SNX29: variants seen among roughly 807,000 people sequenced by gnomAD.
SNX29 encodes the protein sorting nexin-29.
A neutral mutation model predicts 102.1 loss-of-function variants in SNX29; 78 were observed. The ratio of observed to expected loss-of-function variants is 0.76; its 90% CI spans 0.64 to 0.92. The LOEUF is 0.92. SNX29 is among the 40% of genes least tolerant of loss of function. The pLI, the probability that SNX29 is intolerant of heterozygous loss-of-function variation, is 0.00. For missense variants in SNX29, 1,280 were observed against 1,061.7 expected (o/e 1.21, Z -2.86); for synonymous variants, 580 against 414.5 (o/e 1.40, Z -4.85).
chr16:12,510,043 T>C (rs1260141565), intron 19 of SNX29, among the ~76,000 whole-genome samples: 3 of 152,238 alleles, frequency 2.0e-5, no homozygotes, highest in Non-Finnish European at 4.4e-5. Flanking sequence ...CAGTGCCATG[T>C]TGCAGCTCCA....
In SNX29 at chr16:12,572,419, GC is replaced by G; in HGVS notation, c.*3792del. Reference sequence around the variant, plus strand: ...CCTGAGGCAGGGCTCTGTGGCCCAGGCCGGCAGTGGCTGCCTCTCTTGGTTC... The same window carrying G: ...CCTGAGGCAGGGCTCTGTGGCCCAGGCGGCAGTGGCTGCCTCTCTTGGTTC... On this transcript the variant is annotated 3_prime_UTR_variant, in exon 21 of 21. Coordinates refer to ENST00000566228, the MANE Select transcript of SNX29 (RefSeq NM_032167.5). 9.4e-6 allele frequency: 10 copies of G among 1,063,840 alleles called. No homozygotes were observed. Among genetic ancestry groups the G allele is most frequent in the Non-Finnish European group, 1.1e-5 (10 of 878,314 alleles). The allele number at this position is 1,063,840 out of a possible 1,614,324, so 65.9% of individuals were successfully genotyped here. A position where few individuals can be genotyped will look rare whatever the true frequency, so the allele number is the denominator to read the frequency against.
intron 20 of SNX29, among the ~76,000 whole-genome samples, chr16:12,562,814 C>T (rs987872095): frequency 1.7e-4 from 26 of 152,146 alleles, no homozygotes; most frequent in Non-Finnish European, 3.1e-4. Flanking sequence ...AACTCCTTTC[C>T]CCCCAAATTT....
intron 14 of SNX29, among the ~76,000 whole-genome samples, chr16:12,254,747 G>A (rs1399423685): frequency 6.6e-6 from 1 of 152,174 alleles, no homozygotes; most frequent in African/African-American, 2.4e-5. Context: ...GAGCCCAGCT[G>A]TGTTGTGGCT....
chr16:12,146,746 G>A (rs927349206), intron 13 of SNX29, among the ~76,000 whole-genome samples: 1 of 152,156 alleles, frequency 6.6e-6, no homozygotes, highest in Non-Finnish European at 1.5e-5. Flanking sequence ...TTTCTTTTGG[G>A]ATTAATGATG....
chr16:12,243,508 T>C (rs2078173406), intron 14 of SNX29, among the ~76,000 whole-genome samples: 1 of 152,250 alleles, frequency 6.6e-6, no homozygotes, highest in African/African-American at 2.4e-5. Context: ...AGCTAACTTT[T>C]ACTAGATCCT....
At position 12,476,413 on chromosome 16, in the gene SNX29, CATATATATAT is replaced by C. The variant is rs61390803; in HGVS notation, c.2038-1285_2038-1276del. Among the ~76,000 whole-genome samples the C allele has an allele frequency of 6.5e-3, 126 of 19,514 alleles. 3 individuals carry two copies. The highest frequency in any genetic ancestry group is 0.018 in the South Asian group (4 of 220). The allele number at this position is 19,514 out of a possible 152,430, so 12.8% of individuals were successfully genotyped here. A position where few individuals can be genotyped will look rare whatever the true frequency, so the allele number is the denominator to read the frequency against. On this transcript the variant is annotated intron_variant, in intron 18 of 20. Coordinates refer to ENST00000566228, the MANE Select transcript of SNX29 (RefSeq NM_032167.5). ...ATATATATATATATATATATATATA[CATATATATAT>C]ATATATATATATATATATATGATGA...
chr16:12,378,344 C>T (rs1009712038), intron 16 of SNX29, among the ~76,000 whole-genome samples: 1 of 152,094 alleles, frequency 6.6e-6, no homozygotes, highest in African/African-American at 2.4e-5. Context: ...TTTAAAACAA[C>T]CAGCTCTTGG....
chr16:12,023,087 A>G (rs998084594), intron 3 of SNX29, among the ~76,000 whole-genome samples: 2 of 151,324 alleles, frequency 1.3e-5, no homozygotes, highest in African/African-American at 2.4e-5. Flanking sequence ...AGTAGAGTTG[A>G]GATTTCACCC....
chr16:12,526,342 C>G (rs575263787), intron 20 of SNX29, among the ~76,000 whole-genome samples: 1 of 152,164 alleles, frequency 6.6e-6, no homozygotes, highest in South Asian at 2.1e-4. Flanking sequence ...CCATCCAGAT[C>G]GACATGAGCA....
chr16:12,001,593 A>T (rs1212933591), intron 2 of SNX29, among the ~76,000 whole-genome samples: 1 of 152,128 alleles, frequency 6.6e-6, no homozygotes, highest in South Asian at 2.1e-4. Flanking sequence ...TTAAAATTAT[A>T]TGTATATACA....
intron 20 of SNX29, among the ~76,000 whole-genome samples, chr16:12,534,032 A>G (rs559725131): frequency 8.5e-5 from 13 of 152,372 alleles, no homozygotes; most frequent in Non-Finnish European, 1.3e-4. Context: ...ACTTTGGTGC[A>G]TAAGTCTGTT....
At chr16:12,266,448 C>G (rs2142555790) in intron 14 of SNX29, among the ~76,000 whole-genome samples, 1 of 152,268 alleles carries the variant, frequency 6.6e-6, no homozygotes, top group South Asian at 2.1e-4. Context: ...TCCAACCAAC[C>G]AGCCCCTCTG....
chr16:12,331,710 C>G (rs1219448515), intron 15 of SNX29, among the ~76,000 whole-genome samples: 1 of 152,144 alleles, frequency 6.6e-6, no homozygotes. Context: ...CGCCTCCACA[C>G]CTGGCTAACT....
intron 11 of SNX29, among the ~76,000 whole-genome samples, chr16:12,093,161 A>T (rs1487447819): frequency 6.6e-6 from 1 of 152,236 alleles, no homozygotes; most frequent in Non-Finnish European, 1.5e-5. Context: ...ACTGTATATC[A>T]TCAGAGCCAC....
intron 14 of SNX29, among the ~76,000 whole-genome samples, chr16:12,275,428 G>T (rs1335401712): frequency 2.0e-5 from 3 of 152,206 alleles, no homozygotes; most frequent in Non-Finnish European, 4.4e-5. Flanking sequence ...GAATAAACAT[G>T]TATATTTTGC....
rs116044366 is a variant in SNX29, at chr16:12,381,317, C to T, written c.1900-17129C>T. On this transcript the variant is annotated intron_variant, in intron 16 of 20. Transcript: ENST00000566228. ...ACCCACCCATTATCCATCTACCCAC[C>T]CACCCATCGTTCATCTCACCAACCA... 2.7e-3 allele frequency among the ~76,000 whole-genome samples: 286 copies of T among 107,602 alleles called. 4 individuals carry two copies. Among genetic ancestry groups the T allele is most frequent in the African/African-American group, 0.011 (269 of 25,602 alleles). The allele number at this position is 107,602 out of a possible 152,430, so 70.6% of individuals were successfully genotyped here.
chr16:12,233,862 C>T (rs1039267107), intron 14 of SNX29, among the ~76,000 whole-genome samples: 35 of 152,030 alleles, frequency 2.3e-4, no homozygotes, highest in Non-Finnish European at 4.9e-4. Flanking sequence ...CAGTGTATGG[C>T]GGTTTGTGAT....
chr16:12,212,858 A>C (rs1320483793), intron 14 of SNX29, among the ~76,000 whole-genome samples: 1 of 152,226 alleles, frequency 6.6e-6, no homozygotes, highest in African/African-American at 2.4e-5. Context: ...TCATGCCGGT[A>C]ATCCCAGCAC....
intron 16 of SNX29, among the ~76,000 whole-genome samples, chr16:12,364,898 G>T (rs2082416574): frequency 6.6e-6 from 1 of 152,076 alleles, no homozygotes; most frequent in Non-Finnish European, 1.5e-5. Flanking sequence ...TCTCTCACTT[G>T]TCCCTTCCCT....
Sources: allele counts gnomAD v4.1 joint callset (sites outside exome capture counted in the v4.1 genomes callset), GRCh38; gene constraint gnomAD v4.1.1; transcripts MANE v1.5; gene names NCBI Gene and HGNC (gene_info 2026-07-23, HGNC 2026-07-21).